The following TOPBP1 variants were observed in gnomAD, a reference collection of about 807,000 sequenced individuals.
TOPBP1 encodes DNA topoisomerase II binding protein 1.
In TOPBP1, 28 loss-of-function variants were observed where a neutral mutation model predicts 167.7. That is an observed-to-expected ratio of 0.17 (90% confidence interval 0.12 to 0.23). The LOEUF (loss-of-function observed/expected upper bound fraction) is 0.23. Among genes scored for constraint, TOPBP1 ranks in the 10% least tolerant of loss-of-function variants. The pLI is 1.00. For synonymous variants in TOPBP1, 598 were observed against 611.4 expected, an observed-to-expected ratio of 0.98 and a Z score of 0.32; for missense variants, 1,554 against 1,809.6, an observed-to-expected ratio of 0.86 and a Z score of 2.56.
At chr3:133,625,246 T>C (rs1267398840) in intron 16 of TOPBP1, among the ~76,000 whole-genome samples, 5 of 152,224 alleles carry the variant, frequency 3.3e-5, no homozygotes, top group Non-Finnish European at 5.9e-5. Context: ...ATTACACGCA[T>C]GAGCCACCGT....
intron 10 of TOPBP1, among the ~76,000 whole-genome samples, chr3:133,648,545 C>G (rs1206978889): frequency 6.6e-6 from 1 of 152,200 alleles, no homozygotes; most frequent in Non-Finnish European, 1.5e-5. Flanking sequence ...CGCCCGTAAT[C>G]CCAGCACTTT....
chr3:133,606,804 T>C (rs1357012874), intron 27 of TOPBP1, among the ~76,000 whole-genome samples: 4 of 152,088 alleles, frequency 2.6e-5, no homozygotes, highest in African/African-American at 4.8e-5. Flanking sequence ...TAGATATCTA[T>C]ATGGAAAAAA....
chr3:133,641,300 C>A (rs916977319), intron 12 of TOPBP1, among the ~76,000 whole-genome samples: 2 of 152,060 alleles, frequency 1.3e-5, no homozygotes, highest in African/African-American at 2.4e-5. Context: ...CATTTGCTGT[C>A]CATTAATTAA....
At chr3:133,653,633 T>A in intron 6 of TOPBP1, 109 bp from the exon 7 acceptor site, 1 of 1,011,788 alleles carries the variant, frequency 9.9e-7, no homozygotes, top group Non-Finnish European at 1.3e-6. Context: ...GTTAATATTT[T>A]TTTTTTTTTT....
chr3:133,632,009 C>T (rs1216542094), intron 14 of TOPBP1, among the ~76,000 whole-genome samples: 2 of 152,170 alleles, frequency 1.3e-5, no homozygotes, highest in Non-Finnish European at 2.9e-5. Flanking sequence ...CCATGAAAGA[C>T]GTGCTCACTT....
intron 19 of TOPBP1, among the ~76,000 whole-genome samples, chr3:133,621,716 A>C: frequency 6.6e-6 from 1 of 152,234 alleles, no homozygotes; most frequent in Non-Finnish European, 1.5e-5. Flanking sequence ...ACTCTGGAGT[A>C]AGTATTAAAT....
intron 1 of TOPBP1, 69 bp downstream of exon 1, chr3:133,661,700 C>T (rs1224819888): frequency 1.3e-5 from 2 of 152,742 alleles, no homozygotes; most frequent in Admixed American, 6.5e-5. Context: ...TCCTGAAGGC[C>T]ACAGAAGGCA....
intron 2 of TOPBP1, 111 bp downstream of exon 2, chr3:133,660,933 A>C: frequency 1.3e-6 from 1 of 772,558 alleles, no homozygotes; most frequent in Non-Finnish European, 2.0e-6. Context: ...GTAGACTATA[A>C]AATTATTATG....
intron 14 of TOPBP1, among the ~76,000 whole-genome samples, chr3:133,635,558 T>C (rs1935642061): frequency 6.6e-6 from 1 of 152,206 alleles, no homozygotes; most frequent in African/African-American, 2.4e-5. Context: ...GCCCAGCCCC[T>C]TGTACCACTT....
chr3:133,652,345 G>A (rs970032759), intron 8 of TOPBP1, 118 bp downstream of exon 8: 1 of 1,043,436 alleles, frequency 9.6e-7, no homozygotes, highest in Non-Finnish European at 1.4e-6. Context: ...TACTTAGCTA[G>A]AGTGGAGGGT....
chr3:133,659,779 G>T (rs895586632), intron 2 of TOPBP1, among the ~76,000 whole-genome samples: 6 of 148,654 alleles, frequency 4.0e-5, no homozygotes, highest in Admixed American at 2.7e-4. Flanking sequence ...TATATATATA[G>T]TTTTTGTCTC....
chr3:133,647,274 A>G (rs1936108015), intron 10 of TOPBP1, among the ~76,000 whole-genome samples: 1 of 152,206 alleles, frequency 6.6e-6, no homozygotes. Context: ...ATAAATTCAT[A>G]TAGCTGGAGG....
chr3:133,649,349 T>A, intron 10 of TOPBP1, 34 bp downstream of exon 10: 1 of 1,592,268 alleles, frequency 6.3e-7, no homozygotes, highest in South Asian at 1.1e-5. Context: ...AAATATTTCT[T>A]ACTAACTACA....
chr3:133,653,548 A>G (rs1936373659), intron 6 of TOPBP1, 24 bp from the exon 7 acceptor site: 20 of 1,504,744 alleles, frequency 1.3e-5, no homozygotes, highest in Non-Finnish European at 1.8e-5. Flanking sequence ...TAAGAAAGAA[A>G]TAGAGAAAAT....
rs758175825 is a variant in TOPBP1 at position 133,656,867 on chromosome 3, CA to C, written c.364-11del. 3.9e-6 allele frequency: 6 copies of C among 1,553,876 alleles called. No homozygotes were observed. In the South Asian group the frequency reaches 4.9e-5, roughly 13 times the overall value. ...ATTTATGAACTTCTTCCTGCAGCCC[CA>C]AAAGAGAACACATTAATGCTGAAGC... On this transcript the variant is annotated splice_polypyrimidine_tract_variant and intron_variant, in intron 4 of 27. Coordinates refer to ENST00000260810, the MANE Select transcript of TOPBP1 (RefSeq NM_007027.4).
At chr3:133,615,434 G>A (rs1214697701) in intron 23 of TOPBP1, among the ~76,000 whole-genome samples, 1 of 152,172 alleles carries the variant, frequency 6.6e-6, no homozygotes, top group Non-Finnish European at 1.5e-5. Flanking sequence ...CTGAGATTGT[G>A]CCATGGCACT....
At chr3:133,622,630 T>C (rs1935130886) in intron 19 of TOPBP1, among the ~76,000 whole-genome samples, 1 of 152,188 alleles carries the variant, frequency 6.6e-6, no homozygotes, top group Non-Finnish European at 1.5e-5. Context: ...ACTCTTCATA[T>C]GTCTTTTTGT....
chr3:133,608,834 A>G (rs541375838), intron 26 of TOPBP1, 39 bp downstream of exon 26: 2 of 1,583,830 alleles, frequency 1.3e-6, no homozygotes, highest in South Asian at 1.2e-5. Flanking sequence ...TTAGATGATT[A>G]TTCATGTAAA....
In TOPBP1 at chr3:133,651,171, CTTTTTTTTTTTTT is replaced by C. The variant is rs1176625452; in HGVS notation, c.1090-1241_1090-1229del. ...AAAAAAGGTAATTTGCCGAATTTCC[CTTTTTTTTTTTTT>C]TTTTTTTTTTTTAAATTTTGAGATG... is the stretch of plus-strand genomic sequence containing the variant. On this transcript the variant is annotated intron_variant, in intron 8 of 27. Coordinates refer to ENST00000260810, the MANE Select transcript of TOPBP1 (RefSeq NM_007027.4). Among the ~76,000 whole-genome samples the C allele has an allele frequency of 1.6e-4, 13 of 82,118 alleles. No homozygotes were observed. In the East Asian group the frequency reaches 5.0e-3, roughly 32 times the overall value. 53.9% of individuals were successfully genotyped at this position (82,118 alleles called of 152,430 possible). A position where few individuals can be genotyped will look rare whatever the true frequency, so the allele number is the denominator to read the frequency against.
Sources: gnomAD v4.1 joint callset for allele counts (sites outside exome capture counted in the v4.1 genomes callset) on GRCh38, gnomAD v4.1.1 for gene constraint, MANE v1.5 for transcripts, NCBI Gene and HGNC (gene_info 2026-07-23, HGNC 2026-07-21) for gene names.